AGT: variants seen among roughly 807,000 people sequenced by gnomAD.
AGT encodes angiotensinogen.
Under a neutral mutation model 28.1 loss-of-function variants are expected in AGT, and 26 were observed. The observed-to-expected ratio is 0.92, with a 90% CI of 0.68 to 1.28. AGT has a LOEUF of 1.28. Among genes scored for constraint, AGT ranks in the 50% most tolerant of loss-of-function variants. The pLI is 0.00. For synonymous variants in AGT, 259 were observed against 259.6 expected (o/e 1.00, Z 0.02); for missense variants, 596 against 592.3 (o/e 1.01, Z -0.06).
At chr1:230,727,201 G>A (rs923592124) in intron 1 of AGT, among the ~76,000 whole-genome samples, 2 of 152,132 alleles carry the variant, frequency 1.3e-5, no homozygotes, top group Non-Finnish European at 1.5e-5. Context: ...CAATGTTGAG[G>A]CAAGAGAAAA....
chr1:230,710,907 G>A, intron 1 of AGT, 54 bp from the exon 2 acceptor site: 3 of 1,582,294 alleles, frequency 1.9e-6, no homozygotes, highest in Non-Finnish European at 2.6e-6. Context: ...ACCTTTAAGT[G>A]CCATCTAACC....
intron 1 of AGT, among the ~76,000 whole-genome samples, chr1:230,727,753 G>T (rs1044628755): frequency 1.3e-5 from 2 of 152,062 alleles, no homozygotes; most frequent in African/African-American, 4.8e-5. Context: ...CCCTATATAA[G>T]GTACTGACAT....
rs765807726 is a variant in AGT at position 230,710,122 on chromosome 1, T to G, written c.702A>C (p.Glu234Asp). 2 of 1,614,164 alleles carry G rather than the reference T, an allele frequency of 1.2e-6. No individual in the cohort carries two copies. The highest frequency in any genetic ancestry group is 1.7e-6 in the Non-Finnish European group (2 of 1,180,030). ...VVLPRSLDFT[E>D]LDVAAEKIDR... ...CAATCTTCTCAGCAGCAACATCCAG[T>G]TCTGTGAAGTCCAGAGAGCGTGGGA... The change falls in exon 2 of 5, where the codon GAA becomes GAC. Residue 234 changes from glutamate (E) to aspartate (D), a missense_variant. Glu to Asp is a conservative substitution (Grantham distance 45). Coordinates refer to ENST00000366667, the MANE Select transcript of AGT (RefSeq NM_001384479.1).
chr1:230,734,756 C>G (rs1364415283), intron 1 of AGT, among the ~76,000 whole-genome samples: 32 of 152,012 alleles, frequency 2.1e-4, no homozygotes, highest in Admixed American at 2.1e-3. Context: ...GTCGCCCAGG[C>G]TGGAGTGCAG....
chr1:230,744,382 C>T (rs977043093), intron 1 of AGT, among the ~76,000 whole-genome samples: 9 of 152,290 alleles, frequency 5.9e-5, no homozygotes, highest in South Asian at 2.1e-4. Context: ...CAGGATTAGA[C>T]GCTAAGACAA....
chr1:230,705,807 G>T, intron 3 of AGT, 126 bp downstream of exon 3: 1 of 1,261,926 alleles, frequency 7.9e-7, no homozygotes, highest in Non-Finnish European at 1.1e-6. Context: ...CCAGCCCCGT[G>T]CCACCGCGGC....
At chr1:230,727,483 G>A (rs1663965416) in intron 1 of AGT, among the ~76,000 whole-genome samples, 1 of 152,202 alleles carries the variant, frequency 6.6e-6, no homozygotes, top group Non-Finnish European at 1.5e-5. Context: ...TTACAGAGGA[G>A]ATTAGAAAAT....
In AGT at chr1:230,703,085, G is replaced by C. The variant is rs1328355634; in HGVS notation, c.*56C>G. 1 of 1,584,984 alleles carries C rather than the reference G, an allele frequency of 6.3e-7. No individual in the cohort carries two copies. The highest frequency in any genetic ancestry group is 8.6e-7 in the Non-Finnish European group (1 of 1,157,036). On this transcript the variant is annotated 3_prime_UTR_variant, in exon 5 of 5. Coordinates refer to ENST00000366667, the MANE Select transcript of AGT (RefSeq NM_001384479.1). ...GGGTTGTTATCTGCTGCTGGCCTTT[G>C]CCTCAAAGGCCAGGGGCAGAGGCCT...
rs59957189 is a variant in AGT at position 230,730,353 on chromosome 1, C to T, written c.-31+15162G>A. On this transcript the variant is annotated intron_variant, in intron 1 of 4. Transcript: ENST00000681269. ...CTTCCCAAACTGCTGGGATTTCAGG[C>T]GTGAGGCAGGGTACCCAGCCAGGAT... 2.8e-3 allele frequency among the ~76,000 whole-genome samples: 421 copies of T among 152,182 alleles called. 2 individuals are homozygous for T. Among genetic ancestry groups the T allele is most frequent in the African/African-American group, 9.6e-3 (397 of 41,502 alleles).
chr1:230,735,090 G>T (rs1196258271), intron 1 of AGT, among the ~76,000 whole-genome samples: 1 of 152,066 alleles, frequency 6.6e-6, no homozygotes, highest in African/African-American at 2.4e-5. Context: ...TCGCCTCCCC[G>T]TTGCTCATGG....
chr1:230,704,195 C>A lies in AGT; in HGVS notation c.1240G>T (p.Glu414Ter). The change falls in exon 4 of 5, where the codon GAG becomes TAG. Residue 414 changes from glutamate (E) to a stop codon, truncating the protein, a stop_gained and splice_region_variant. Transcript: ENST00000366667. LOFTEE classifies it low-confidence loss of function (END_TRUNC). ...CACAGACACAGGCTCACACATACCT[C>A]CCCCACCCTGATGCGGTCATTGCTC... The part of the protein sequence containing the change: ...KLSNDRIRVG[E>*]VLNSIFFELE... 6.2e-7 allele frequency: 1 copy of A among 1,614,252 alleles called. No homozygotes were observed. The highest frequency in any genetic ancestry group is 8.5e-7 in the Non-Finnish European group (1 of 1,180,042).
At chr1:230,729,995 A>T (rs1406068635) in intron 1 of AGT, among the ~76,000 whole-genome samples, 6 of 152,032 alleles carry the variant, frequency 3.9e-5, no homozygotes, top group Non-Finnish European at 7.4e-5. Context: ...ACCCATCTCT[A>T]CTAAAAATAC....
chr1:230,738,658 G>C (rs1664191878), intron 1 of AGT, among the ~76,000 whole-genome samples: 1 of 152,104 alleles, frequency 6.6e-6, no homozygotes, highest in African/African-American at 2.4e-5. Flanking sequence ...TTGCCAAAGG[G>C]GGAGGATACG....
At position 230,705,937 on chromosome 1, in the gene AGT, G is replaced by C; in HGVS notation, c.1093C>G (p.Pro365Ala). ...NSLNWMKKLS[P>A]RTIHLTMPQL... The stretch of plus-strand genomic sequence containing the variant: ...GGGAGACCGGGAGGCTCCTACCGGG[G>C]AGATAGTTTCTTCATCCAGTTGAGG... The change falls in exon 3 of 5, where the codon CCC (proline) becomes GCC (alanine). Residue 365 changes from proline to alanine, a missense_variant. Physicochemically the swap from Pro to Ala is conservative, Grantham distance 27. Transcript: ENST00000366667. The C allele has an allele frequency of 6.2e-7, 1 of 1,614,096 alleles. No individual in the cohort carries two copies. The highest frequency in any genetic ancestry group is 8.5e-7 in the Non-Finnish European group (1 of 1,179,988).
chr1:230,740,954 G>A (rs1664238398), intron 1 of AGT, among the ~76,000 whole-genome samples: 1 of 151,950 alleles, frequency 6.6e-6, no homozygotes, highest in African/African-American at 2.4e-5. Flanking sequence ...CAAAAATTAG[G>A]ATTTTTTTGG....
intron 1 of AGT, among the ~76,000 whole-genome samples, chr1:230,739,182 A>G (rs1664199773): frequency 6.8e-6 from 1 of 146,488 alleles, no homozygotes. Context: ...ACATACTGAG[A>G]CTCCCTCCTC....
intron 1 of AGT, among the ~76,000 whole-genome samples, chr1:230,724,440 C>A (rs756699742): frequency 1.3e-4 from 19 of 151,986 alleles, no homozygotes; most frequent in Non-Finnish European, 2.6e-4. Flanking sequence ...ATAATGACAC[C>A]AAAATAATTA....
At chr1:230,735,243 C>T (rs1664136966) in intron 1 of AGT, among the ~76,000 whole-genome samples, 1 of 152,100 alleles carries the variant, frequency 6.6e-6, no homozygotes, top group East Asian at 1.9e-4. Context: ...GGAAATCTCG[C>T]CCCGACTGCA....
At chr1:230,716,906 T>C (rs773983018), upstream of AGT, among the ~76,000 whole-genome samples, 3 of 151,298 alleles carry the variant, frequency 2.0e-5, no homozygotes, top group Admixed American at 6.6e-5. Flanking sequence ...TATTGGGATA[T>C]GTAGGGAAAA....
Sources: allele counts gnomAD v4.1 joint callset (sites outside exome capture counted in the v4.1 genomes callset), GRCh38; gene constraint gnomAD v4.1.1; transcripts MANE v1.5; gene names NCBI Gene and HGNC (gene_info 2026-07-23, HGNC 2026-07-21).